Variants in ATP8B4 observed in about 807,000 individuals in gnomAD.
The protein encoded by ATP8B4 is probable phospholipid-transporting ATPase IM.
A neutral mutation model predicts 145.6 loss-of-function variants in ATP8B4; 133 were observed. That is an observed-to-expected ratio of 0.91 (90% CI 0.79 to 1.05). The LOEUF is 1.05. ATP8B4 is among the 50% of genes least tolerant of loss of function. ATP8B4 has a pLI of 0.00. For synonymous variants in ATP8B4, 507 were observed against 492.9 expected (o/e 1.03, Z -0.38); for missense variants, 1,458 against 1,425.2 (o/e 1.02, Z -0.37).
intron 10 of ATP8B4, among the ~76,000 whole-genome samples, chr15:49,985,063 T>G (rs1002233071): frequency 6.6e-6 from 1 of 152,014 alleles, no homozygotes; most frequent in African/African-American, 2.4e-5. Flanking sequence ...ATAACTAGAG[T>G]AATAACACAG....
intron 2 of ATP8B4, among the ~76,000 whole-genome samples, chr15:50,082,375 G>GA (rs908057197): frequency 2.7e-5 from 4 of 150,296 alleles, no homozygotes; most frequent in East Asian, 1.9e-4. Context: ...AGAATAGAAG[G>GA]AAAAAAAAAC....
At chr15:50,129,290 G>C (rs1164613528) in intron 1 of ATP8B4, among the ~76,000 whole-genome samples, 1 of 152,102 alleles carries the variant, frequency 6.6e-6, no homozygotes, top group Non-Finnish European at 1.5e-5. Context: ...TTAAAACAAG[G>C]GAAACTGATT....
At chr15:50,123,510 A>T (rs2057287062), upstream of ATP8B4, among the ~76,000 whole-genome samples, 1 of 152,202 alleles carries the variant, frequency 6.6e-6, no homozygotes, top group African/African-American at 2.4e-5. Context: ...GAAGACAGCA[A>T]GGAAAACCCA....
At chr15:50,120,214 C>T (rs556341016), upstream of ATP8B4, among the ~76,000 whole-genome samples, 3 of 152,190 alleles carry the variant, frequency 2.0e-5, no homozygotes, top group East Asian at 1.9e-4. Flanking sequence ...AACATCCTCA[C>T]GCTGGGCCCT....
intron 26 of ATP8B4, among the ~76,000 whole-genome samples, chr15:49,865,346 A>G (rs764800463): frequency 1.3e-5 from 2 of 152,298 alleles, no homozygotes; most frequent in Middle Eastern, 3.4e-3. Flanking sequence ...GCATCTCTTT[A>G]TCTGTATCCT....
At chr15:50,016,827 A>T (rs943202319) in intron 6 of ATP8B4, among the ~76,000 whole-genome samples, 2 of 152,044 alleles carry the variant, frequency 1.3e-5, no homozygotes, top group African/African-American at 4.8e-5. Flanking sequence ...CTAAGGGGGG[A>T]TGTGGGTGGC....
At chr15:49,966,712 C>T (rs780573793) in intron 13 of ATP8B4, among the ~76,000 whole-genome samples, 12 of 152,200 alleles carry the variant, frequency 7.9e-5, no homozygotes, top group Non-Finnish European at 1.3e-4. Flanking sequence ...TTATATGTTC[C>T]TGCCTGCCGG....
intron 27 of ATP8B4, among the ~76,000 whole-genome samples, chr15:49,861,452 G>GTCTATCTATCTA (rs71124312): frequency 6.3e-5 from 9 of 143,536 alleles, no homozygotes; most frequent in South Asian, 2.4e-4. Context: ...CTGTCTGTCT[G>GTCTATCTATCTA]TCTATCTATC....
chr15:50,051,032 C>T lies in ATP8B4; in HGVS notation c.88-3568G>A, dbSNP rs540993650. On this transcript the variant is annotated intron_variant, in intron 3 of 27. Transcript: ENST00000284509. ...ATTTTTAACATTTGATATGGTTGGGCTGTGTCCCTACCCAAATCTCATCTT... is the reference window on the plus strand; with the variant it reads ...ATTTTTAACATTTGATATGGTTGGGTTGTGTCCCTACCCAAATCTCATCTT... Among the ~76,000 whole-genome samples the T allele has an allele frequency of 7.2e-5, 11 of 152,282 alleles. No homozygotes were observed. The East Asian group carries it at 1.2e-3, about 16-fold the overall frequency.
intron 14 of ATP8B4, among the ~76,000 whole-genome samples, chr15:49,935,342 C>T (rs552159376): frequency 6.6e-6 from 1 of 152,168 alleles, no homozygotes; most frequent in African/African-American, 2.4e-5. Flanking sequence ...TGAGCATTGC[C>T]AAGGCCAACC....
chr15:50,107,726 A>G (rs1248782079), intron 1 of ATP8B4, among the ~76,000 whole-genome samples: 1 of 151,998 alleles, frequency 6.6e-6, no homozygotes, highest in Non-Finnish European at 1.5e-5. Context: ...TTTCAGTTAG[A>G]AAAAAAATGA....
chr15:50,139,728 A>C (rs993349725), intron 1 of ATP8B4, among the ~76,000 whole-genome samples: 3 of 152,210 alleles, frequency 2.0e-5, no homozygotes, highest in Admixed American at 6.5e-5. Context: ...GCAAAACTTC[A>C]AATTTTATTT....
chr15:50,142,260 C>T (rs558095467), intron 1 of ATP8B4, among the ~76,000 whole-genome samples: 1 of 152,236 alleles, frequency 6.6e-6, no homozygotes, highest in East Asian at 1.9e-4. Context: ...GTGATGTTCA[C>T]TTGTTTTTAT....
chr15:49,946,000 T>C (rs2153482358), intron 14 of ATP8B4, among the ~76,000 whole-genome samples: 2 of 152,226 alleles, frequency 1.3e-5, no homozygotes, highest in South Asian at 4.1e-4. Flanking sequence ...TCCTAGCCAG[T>C]GCAGTTAGAC....
chr15:50,147,019 GT>G (rs892540044), intron 1 of ATP8B4, among the ~76,000 whole-genome samples: 28 of 151,988 alleles, frequency 1.8e-4, no homozygotes, highest in Non-Finnish European at 3.8e-4. Context: ...TGGGAGGGTT[GT>G]TTTTTGTTTT....
intron 5 of ATP8B4, among the ~76,000 whole-genome samples, chr15:50,042,270 A>T (rs1053249508): frequency 6.6e-6 from 1 of 152,224 alleles, no homozygotes; most frequent in Admixed American, 6.5e-5. Context: ...TTCTTTAAAA[A>T]ATGATATATG....
At chr15:49,867,394 G>A (rs2153380585) in intron 25 of ATP8B4, among the ~76,000 whole-genome samples, 1 of 152,226 alleles carries the variant, frequency 6.6e-6, no homozygotes, top group Non-Finnish European at 1.5e-5. Context: ...CCCTTAAAAT[G>A]TTTCCCCATT....
At chr15:49,892,144 T>C (rs1320138612) in intron 23 of ATP8B4, among the ~76,000 whole-genome samples, 2 of 151,304 alleles carry the variant, frequency 1.3e-5, no homozygotes, top group South Asian at 2.1e-4. Context: ...TAAAAGTCTA[T>C]AGACTCAGAA....
intron 21 of ATP8B4, among the ~76,000 whole-genome samples, chr15:49,900,779 C>G (rs1000611465): frequency 6.6e-6 from 1 of 152,082 alleles, no homozygotes; most frequent in Non-Finnish European, 1.5e-5. Context: ...AACAGTGAGC[C>G]GTAACACTCC....
Sources: allele counts gnomAD v4.1 joint callset (sites outside exome capture counted in the v4.1 genomes callset), GRCh38; gene constraint gnomAD v4.1.1; transcripts MANE v1.5; gene names NCBI Gene and HGNC (gene_info 2026-07-23, HGNC 2026-07-21).